The following SPRED1 variants were observed in gnomAD, a reference collection of about 807,000 sequenced individuals.
The protein encoded by SPRED1 is sprouty-related, EVH1 domain-containing protein 1.
SPRED1 carries 18 observed loss-of-function variants against 52.3 expected under a neutral mutation model. That is an observed-to-expected ratio of 0.34 (90% CI 0.24 to 0.51). The LOEUF is 0.51. SPRED1 is among the 20% of genes least tolerant of loss of function. The pLI is 0.97. For missense variants in SPRED1, 485 were observed against 551.0 expected (o/e 0.88, Z 1.20); for synonymous variants, 155 against 179.7 (o/e 0.86, Z 1.10).
chr15:38,299,466 C>T lies in SPRED1; in HGVS notation c.126C>T (p.Val42=). The T allele has an allele frequency of 5.6e-6, 9 of 1,614,018 alleles. No individual in the cohort carries two copies. The highest frequency in any genetic ancestry group is 7.6e-6 in the Non-Finnish European group (9 of 1,179,950). The change falls in exon 2 of 7, where the codon GTC becomes GTT. Residue 42 remains valine (V), a synonymous_variant. Transcript: ENST00000299084. ...LPLGGSGLSS[V]TVFKVPHQEE... is the part of the protein sequence containing the mutation. ...TTGGAGGGAGTGGACTAAGCAGCGTCACTGTCTTCAAAGTCCCTCATCAGG... is the reference window on the plus strand; with the variant it reads ...TTGGAGGGAGTGGACTAAGCAGCGTTACTGTCTTCAAAGTCCCTCATCAGG...
intron 3 of SPRED1, among the ~76,000 whole-genome samples, 158 bp downstream of exon 3, chr15:38,322,567 A>G (rs1895626390): frequency 6.6e-6 from 1 of 152,230 alleles, no homozygotes. Flanking sequence ...TGAAGATAAA[A>G]TAATAGATTC....
At chr15:38,332,428 C>G (rs1338015668) in intron 4 of SPRED1, among the ~76,000 whole-genome samples, 1 of 151,932 alleles carries the variant, frequency 6.6e-6, no homozygotes, top group East Asian at 1.9e-4. Flanking sequence ...AAAAAATTAG[C>G]CAGGCATGAT....
chr15:38,288,876 A>G (rs1220936871), intron 1 of SPRED1, among the ~76,000 whole-genome samples: 3 of 152,182 alleles, frequency 2.0e-5, no homozygotes, highest in African/African-American at 4.8e-5. Flanking sequence ...AGGCTACATT[A>G]TCTGCAGTGA....
chr15:38,287,946 T>C (rs1894843342), intron 1 of SPRED1, among the ~76,000 whole-genome samples: 1 of 152,186 alleles, frequency 6.6e-6, no homozygotes, highest in South Asian at 2.1e-4. Context: ...CTTATCCTTC[T>C]GATCTCTTAG....
chr15:38,253,258 C>T, intron 1 of SPRED1, 41 bp downstream of exon 1: 1 of 1,552,854 alleles, frequency 6.4e-7, no homozygotes, highest in Non-Finnish European at 8.7e-7. Flanking sequence ...CCCCCTCCCC[C>T]TATCCGCCCT....
intron 1 of SPRED1, among the ~76,000 whole-genome samples, chr15:38,265,106 T>C (rs1894281623): frequency 6.6e-6 from 1 of 152,192 alleles, no homozygotes; most frequent in African/African-American, 2.4e-5. Context: ...TTTACTAATT[T>C]AAATTTTACA....
At chr15:38,339,680 TGTG>T in intron 4 of SPRED1, 54 bp from the exon 5 acceptor site, 7 of 1,546,524 alleles carry the variant, frequency 4.5e-6, no homozygotes, top group Non-Finnish European at 5.4e-6. Flanking sequence ...TATCTTATTT[TGTG>T]GTGGTGGTGG....
intron 2 of SPRED1, among the ~76,000 whole-genome samples, chr15:38,321,157 C>G (rs1033097703): frequency 2.6e-5 from 4 of 152,078 alleles, no homozygotes; most frequent in Non-Finnish European, 5.9e-5. Context: ...ATATATGTAA[C>G]TCCTTTGAAA....
chr15:38,282,354 CAA>C (rs1595723654), intron 1 of SPRED1, among the ~76,000 whole-genome samples: 1 of 150,186 alleles, frequency 6.7e-6, no homozygotes, highest in East Asian at 2.0e-4. Context: ...TGCACACACA[CAA>C]GTTAACCTGG....
At chr15:38,345,369 C>T (rs1020835078) in intron 5 of SPRED1, among the ~76,000 whole-genome samples, 12 of 152,088 alleles carry the variant, frequency 7.9e-5, no homozygotes, top group Middle Eastern at 3.2e-3. Context: ...TGTAAATGCT[C>T]GACAAAATAA....
At chr15:38,281,039 T>TG (rs1894676720) in intron 1 of SPRED1, among the ~76,000 whole-genome samples, 1 of 152,210 alleles carries the variant, frequency 6.6e-6, no homozygotes, top group South Asian at 2.1e-4. Context: ...AGGTTGAACT[T>TG]GGAGAAGAGT....
At chr15:38,301,493 GC>G (rs761260385) in intron 2 of SPRED1, among the ~76,000 whole-genome samples, 31 of 152,136 alleles carry the variant, frequency 2.0e-4, no homozygotes, top group Non-Finnish European at 4.0e-4. Context: ...ATAAAGGAGA[GC>G]TTTCAGTCAG....
At chr15:38,256,838 A>T (rs914879728) in intron 1 of SPRED1, among the ~76,000 whole-genome samples, 5 of 152,158 alleles carry the variant, frequency 3.3e-5, no homozygotes, top group East Asian at 1.9e-4. Flanking sequence ...TATATATATA[A>T]AATTGGAAAA....
intron 1 of SPRED1, among the ~76,000 whole-genome samples, chr15:38,287,963 G>C (rs1684100126): frequency 6.6e-6 from 1 of 152,044 alleles, no homozygotes; most frequent in African/African-American, 2.4e-5. Context: ...TTAGGATCCA[G>C]AGTACTCCTG....
intron 1 of SPRED1, among the ~76,000 whole-genome samples, chr15:38,271,571 G>A (rs1196147910): frequency 6.6e-6 from 1 of 152,114 alleles, no homozygotes; most frequent in Non-Finnish European, 1.5e-5. Context: ...AGGACAGTAG[G>A]CTTTAGAGAT....
intron 1 of SPRED1, among the ~76,000 whole-genome samples, chr15:38,278,001 T>G (rs1280446594): frequency 2.0e-5 from 1 of 49,246 alleles, no homozygotes; most frequent in Non-Finnish European, 6.1e-5. Context: ...AATGTAAGGA[T>G]GTATTAATGG....
At chr15:38,275,491 G>T (rs1225951904) in intron 1 of SPRED1, among the ~76,000 whole-genome samples, 1 of 152,044 alleles carries the variant, frequency 6.6e-6, no homozygotes. Context: ...GATGAGGCTG[G>T]TGGTATTATT....
At chr15:38,315,110 A>G (rs1323214897) in intron 2 of SPRED1, among the ~76,000 whole-genome samples, 6 of 151,956 alleles carry the variant, frequency 3.9e-5, no homozygotes, top group African/African-American at 1.4e-4. Flanking sequence ...TCAGAAAATT[A>G]AAGTTCATTA....
intron 1 of SPRED1, among the ~76,000 whole-genome samples, chr15:38,273,047 T>C (rs1038612263): frequency 2.0e-5 from 3 of 152,214 alleles, no homozygotes; most frequent in Admixed American, 2.0e-4. Context: ...GTCCCACTTG[T>C]CAATTTTTTT....
Sources: gnomAD v4.1 joint callset for allele counts (sites outside exome capture counted in the v4.1 genomes callset) on GRCh38, gnomAD v4.1.1 for gene constraint, MANE v1.5 for transcripts, NCBI Gene and HGNC (gene_info 2026-07-23, HGNC 2026-07-21) for gene names.